The following MYO1E variants were observed in gnomAD, a reference collection of about 807,000 sequenced individuals.
The protein encoded by MYO1E is myosin IE.
In MYO1E, 68 loss-of-function variants were observed where a neutral mutation model predicts 151.1. The ratio of observed to expected loss-of-function variants is 0.45; its 90% CI spans 0.37 to 0.55. MYO1E has a LOEUF of 0.55. MYO1E is among the 20% of genes least tolerant of loss of function. The probability of loss-of-function intolerance (pLI) is 0.00; values close to 1 mark genes in which losing one functional copy is unlikely to be tolerated. For synonymous variants in MYO1E, 601 were observed against 501.7 expected (o/e 1.20, Z -2.64); for missense variants, 1,363 against 1,389.3 (o/e 0.98, Z 0.30).
intron 1 of MYO1E, among the ~76,000 whole-genome samples, chr15:59,297,104 G>A (rs1259370915): frequency 6.7e-6 from 1 of 148,380 alleles, no homozygotes; most frequent in Non-Finnish European, 1.5e-5. Flanking sequence ...CACTCGCCTC[G>A]GCCTCCCAAA....
At chr15:59,183,327 G>C (rs1256922497) in intron 18 of MYO1E, among the ~76,000 whole-genome samples, 12 of 145,710 alleles carry the variant, frequency 8.2e-5, no homozygotes, top group African/African-American at 3.0e-4. Context: ...ACCCAGAATA[G>C]ATTAAAAAAG....
intron 1 of MYO1E, among the ~76,000 whole-genome samples, chr15:59,323,785 G>A (rs2080644017): frequency 1.3e-5 from 2 of 152,142 alleles, no homozygotes; most frequent in African/African-American, 4.8e-5. Context: ...TGGAAGTTAA[G>A]GGAAAATAGC....
At chr15:59,142,632 T>C (rs1382903350) in intron 26 of MYO1E, among the ~76,000 whole-genome samples, 1 of 152,122 alleles carries the variant, frequency 6.6e-6, no homozygotes, top group Non-Finnish European at 1.5e-5. Context: ...TCTCTGCTCT[T>C]GGAAAAAGGA....
chr15:59,202,512 C>A, intron 15 of MYO1E, 105 bp from the exon 16 acceptor site: 1 of 1,043,110 alleles, frequency 9.6e-7, no homozygotes, highest in East Asian at 2.4e-5. Context: ...AGGCACATAA[C>A]CTTGGCTACA....
chr15:59,257,999 C>A (rs1256515716), intron 3 of MYO1E, among the ~76,000 whole-genome samples: 1 of 152,144 alleles, frequency 6.6e-6, no homozygotes, highest in African/African-American at 2.4e-5. Flanking sequence ...ACAGAGCCTC[C>A]AGTGCTGCCA....
At chr15:59,328,909 C>T (rs2080682690) in intron 1 of MYO1E, among the ~76,000 whole-genome samples, 2 of 152,174 alleles carry the variant, frequency 1.3e-5, no homozygotes, top group Admixed American at 6.5e-5. Context: ...TCACAATTTA[C>T]AGACAAGGAA....
intron 1 of MYO1E, among the ~76,000 whole-genome samples, chr15:59,279,063 G>A (rs57469669): frequency 0.012 from 1,867 of 152,188 alleles, 40 homozygotes; most frequent in African/African-American, 0.041. Flanking sequence ...TTAAATATAT[G>A]TGACCATACC....
intron 1 of MYO1E, among the ~76,000 whole-genome samples, chr15:59,336,709 T>C (rs139355473): frequency 1.4e-4 from 22 of 152,162 alleles, no homozygotes; most frequent in Non-Finnish European, 2.9e-4. Flanking sequence ...CATCAACCCA[T>C]CATCTACATC....
At chr15:59,362,306 C>T (rs775136667) in intron 1 of MYO1E, among the ~76,000 whole-genome samples, 7 of 152,324 alleles carry the variant, frequency 4.6e-5, no homozygotes, top group Non-Finnish European at 7.3e-5. Flanking sequence ...ACCCTTGTGA[C>T]ACCTATGCAT....
chr15:59,283,051 A>G (rs1328877725), intron 1 of MYO1E, among the ~76,000 whole-genome samples: 1 of 147,902 alleles, frequency 6.8e-6, no homozygotes, highest in East Asian at 2.1e-4. Context: ...TCCATCCTCC[A>G]GGGCACAAAA....
rs1440531162 is a variant in MYO1E at position 59,206,762 on chromosome 15, G to T, written c.1531-1277C>A. The T allele has an allele frequency of 1.1e-5, 7 of 613,538 alleles. No individual in the cohort carries two copies. The African/African-American group carries it at 1.3e-4, about 11-fold the overall frequency. The allele number at this position is 613,538 out of a possible 1,614,324, so 38.0% of individuals were successfully genotyped here. A position where few individuals can be genotyped will look rare whatever the true frequency, so the allele number is the denominator to read the frequency against. On this transcript the variant is annotated intron_variant, in intron 14 of 27. Transcript: ENST00000288235. ...TCACTGCCTTAGTCTGAGCACCCAC[G>T]GAAAGCACGTGTCGGAGACTCTGGC...
At chr15:59,338,886 T>C (rs2080746401) in intron 1 of MYO1E, among the ~76,000 whole-genome samples, 1 of 152,116 alleles carries the variant, frequency 6.6e-6, no homozygotes, top group Non-Finnish European at 1.5e-5. Flanking sequence ...AATCCCAGCA[T>C]TTTTGGAGGC....
chr15:59,319,335 G>C (rs1475177523), intron 1 of MYO1E, among the ~76,000 whole-genome samples: 1 of 151,860 alleles, frequency 6.6e-6, no homozygotes, highest in Non-Finnish European at 1.5e-5. Context: ...AGAAAATTTA[G>C]TTCAAACATG....
chr15:59,256,198 G>A, intron 4 of MYO1E, 86 bp downstream of exon 4: 1 of 1,035,064 alleles, frequency 9.7e-7, no homozygotes, highest in Non-Finnish European at 1.5e-6. Flanking sequence ...AGTAGCTGTT[G>A]CAAAACCACT....
At chr15:59,286,992 C>T (rs140130255) in intron 1 of MYO1E, among the ~76,000 whole-genome samples, 1,906 of 152,240 alleles carry the variant, frequency 0.013, 16 homozygotes, top group South Asian at 0.027. Context: ...AGATCAGTGT[C>T]GCCAAGGGTC....
chr15:59,363,843 T>C (rs145405265), intron 1 of MYO1E, among the ~76,000 whole-genome samples: 1 of 152,184 alleles, frequency 6.6e-6, no homozygotes, highest in African/African-American at 2.4e-5. Flanking sequence ...TGGCAAGATC[T>C]TGGTTCACCA....
intron 4 of MYO1E, among the ~76,000 whole-genome samples, chr15:59,255,402 TA>T (rs1156904625): frequency 1.3e-5 from 2 of 151,810 alleles, no homozygotes; most frequent in African/African-American, 4.9e-5. Context: ...TTTATTTTAT[TA>T]TTTTTTTTCA....
intron 14 of MYO1E, chr15:59,207,207 A>T (rs1368253872): frequency 6.2e-7 from 1 of 1,614,220 alleles, no homozygotes; most frequent in South Asian, 1.1e-5. Flanking sequence ...TCAGCATCTT[A>T]TTAAAAGGCT....
chr15:59,343,374 C>T (rs1480779587), intron 1 of MYO1E, among the ~76,000 whole-genome samples: 2 of 151,946 alleles, frequency 1.3e-5, no homozygotes, highest in African/African-American at 2.4e-5. Flanking sequence ...AAGTCTGCTG[C>T]CAGACGTGTT....
Sources: gnomAD v4.1 joint callset for allele counts (sites outside exome capture counted in the v4.1 genomes callset) on GRCh38, gnomAD v4.1.1 for gene constraint, MANE v1.5 for transcripts, NCBI Gene and HGNC (gene_info 2026-07-23, HGNC 2026-07-21) for gene names.